WDPCP: variants seen among roughly 807,000 people sequenced by gnomAD.
WDPCP encodes the protein WD repeat-containing and planar cell polarity effector protein fritz homolog.
Under a neutral mutation model 93.1 loss-of-function variants are expected in WDPCP, and 71 were observed. The ratio of observed to expected loss-of-function variants is 0.76; its 90% CI spans 0.63 to 0.93. The LOEUF is 0.93. Ranked by LOEUF, WDPCP falls within the 40% of genes least tolerant of loss-of-function variation. The probability of loss-of-function intolerance (pLI) is 0.00; values close to 1 mark genes in which losing one functional copy is unlikely to be tolerated. For missense variants in WDPCP, 844 were observed against 887.4 expected (o/e 0.95, Z 0.62); for synonymous variants, 315 against 315.0 (o/e 1.00, Z 0.00).
intron 2 of WDPCP, among the ~76,000 whole-genome samples, chr2:63,712,500 A>G (rs1489736314): frequency 6.6e-6 from 1 of 152,222 alleles, no homozygotes; most frequent in Admixed American, 6.5e-5. Flanking sequence ...AATATCTTAA[A>G]GTGATAACCT....
intron 1 of WDPCP, among the ~76,000 whole-genome samples, chr2:63,494,491 A>G (rs1454472627): frequency 6.6e-6 from 1 of 152,058 alleles, no homozygotes; most frequent in Non-Finnish European, 1.5e-5. Context: ...GAGTGGTCAC[A>G]TAGCTAGCAG....
At chr2:63,484,834 T>C in intron 5 of WDPCP, 83 bp downstream of exon 5, 1 of 1,526,684 alleles carries the variant, frequency 6.6e-7, no homozygotes, top group Non-Finnish European at 9.0e-7. Context: ...TGAGAGTTGA[T>C]CCTTTATGAA....
chr2:63,152,448 AT>A (rs1671951362), intron 17 of WDPCP, among the ~76,000 whole-genome samples: 1 of 151,758 alleles, frequency 6.6e-6, no homozygotes, highest in African/African-American at 2.4e-5. Context: ...TAATTTTTGT[AT>A]TTTTAGTAGG....
intron 3 of WDPCP, 34 bp from the exon 4 acceptor site, chr2:63,486,620 A>T (rs1317913203): frequency 1.3e-6 from 2 of 1,539,546 alleles, no homozygotes; most frequent in Non-Finnish European, 1.8e-6. Flanking sequence ...GAAAGAAAAA[A>T]ACAAAAGTAG....
intron 9 of WDPCP, among the ~76,000 whole-genome samples, chr2:63,421,677 A>G (rs1695873480): frequency 6.6e-6 from 1 of 152,212 alleles, no homozygotes; most frequent in African/African-American, 2.4e-5. Context: ...CACGAGGAGT[A>G]CTACAGATTT....
intron 12 of WDPCP, among the ~76,000 whole-genome samples, chr2:63,335,263 G>T (rs1157974890): frequency 6.6e-6 from 1 of 151,972 alleles, no homozygotes; most frequent in Non-Finnish European, 1.5e-5. Context: ...ACCCTCTTTG[G>T]AAAAAGCATG....
intron 1 of WDPCP, among the ~76,000 whole-genome samples, chr2:63,537,939 A>G (rs996650274): frequency 1.3e-5 from 2 of 152,226 alleles, no homozygotes; most frequent in African/African-American, 2.4e-5. Flanking sequence ...AAATTAATCA[A>G]TGAATGAATA....
intron 1 of WDPCP, among the ~76,000 whole-genome samples, chr2:63,521,911 C>T (rs1050426026): frequency 6.6e-6 from 1 of 152,130 alleles, no homozygotes; most frequent in African/African-American, 2.4e-5. Flanking sequence ...GGAAATTAAA[C>T]AACCTGTTCC....
chr2:63,541,623 C>T (rs1704734828), intron 1 of WDPCP, among the ~76,000 whole-genome samples: 1 of 152,152 alleles, frequency 6.6e-6, no homozygotes, highest in Non-Finnish European at 1.5e-5. Flanking sequence ...TGGGTTTCTG[C>T]CCTTATTTCC....
At chr2:63,300,849 G>A (rs932350042) in intron 13 of WDPCP, among the ~76,000 whole-genome samples, 3 of 152,168 alleles carry the variant, frequency 2.0e-5, no homozygotes, top group Non-Finnish European at 4.4e-5. Context: ...TTGGTCTGGA[G>A]AGTACATGGC....
At chr2:63,724,657 G>A (rs568667248) in intron 2 of WDPCP, among the ~76,000 whole-genome samples, 5 of 152,160 alleles carry the variant, frequency 3.3e-5, no homozygotes, top group Non-Finnish European at 7.3e-5. Context: ...TTAAGAGTGG[G>A]TCAAACCTTT....
chr2:63,373,345 G>A (rs1691572596), intron 12 of WDPCP, among the ~76,000 whole-genome samples: 1 of 150,488 alleles, frequency 6.6e-6, no homozygotes, highest in Non-Finnish European at 1.5e-5. Flanking sequence ...GAACACCCAG[G>A]CTCAAGCAAT....
At chr2:63,594,576 G>C (rs1301168721) in intron 3 of WDPCP, 44 of 1,609,776 alleles carry the variant, frequency 2.7e-5, no homozygotes, top group Non-Finnish European at 3.7e-5. Flanking sequence ...TCTGTCTTTG[G>C]TAAAGATCAG....
chr2:63,233,898 G>T (rs1215517511), intron 14 of WDPCP, among the ~76,000 whole-genome samples: 1 of 152,050 alleles, frequency 6.6e-6, no homozygotes, highest in Admixed American at 6.6e-5. Flanking sequence ...TCTGCAGGAG[G>T]TGCAGCCATC....
rs376775655 is a variant in WDPCP at position 63,340,863 on chromosome 2, TC to T, written c.1749-27553del. ...CTTGCATTTACACTGCCATTTTAAA[TC>T]CAGAAGTTCCTCCTTTTTAAAAATG... On this transcript the variant is annotated intron_variant, in intron 12 of 17. Coordinates refer to ENST00000272321, the MANE Select transcript of WDPCP (RefSeq NM_015910.7). Among the ~76,000 whole-genome samples, 6 of 152,294 alleles carry T rather than the reference TC, an allele frequency of 3.9e-5. No individual in the cohort carries two copies. The South Asian group carries it at 1.2e-3, about 32-fold the overall frequency.
intron 1 of WDPCP, among the ~76,000 whole-genome samples, chr2:63,511,576 G>C (rs2106091667): frequency 6.6e-6 from 1 of 152,192 alleles, no homozygotes; most frequent in East Asian, 1.9e-4. Flanking sequence ...CAGAACAGAG[G>C]CCTCAGAAAT....
At chr2:63,659,455 A>G (rs1297503416) in intron 2 of WDPCP, among the ~76,000 whole-genome samples, 1 of 152,200 alleles carries the variant, frequency 6.6e-6, no homozygotes, top group Non-Finnish European at 1.5e-5. Flanking sequence ...GTATCCTTAT[A>G]AAAGAGAGGG....
intron 2 of WDPCP, among the ~76,000 whole-genome samples, chr2:63,728,900 C>A (rs143538150): frequency 3.9e-5 from 6 of 152,272 alleles, no homozygotes; most frequent in African/African-American, 1.4e-4. Flanking sequence ...TTCATCCAAT[C>A]GCTATTTAGG....
chr2:63,726,176 T>G (rs1293217767), intron 2 of WDPCP, among the ~76,000 whole-genome samples: 1 of 152,254 alleles, frequency 6.6e-6, no homozygotes, highest in Non-Finnish European at 1.5e-5. Context: ...TTTTTATACT[T>G]TTATGTTTTA....
Sources: allele counts gnomAD v4.1 joint callset (sites outside exome capture counted in the v4.1 genomes callset), GRCh38; gene constraint gnomAD v4.1.1; transcripts MANE v1.5; gene names NCBI Gene and HGNC (gene_info 2026-07-23, HGNC 2026-07-21).